GUCY1A2: variants seen among roughly 807,000 people sequenced by gnomAD.
GUCY1A2 encodes guanylate cyclase 1 soluble subunit alpha 2, also known as guanylate cyclase soluble subunit alpha-2.
GUCY1A2 carries 27 observed loss-of-function variants against 63.5 expected under a neutral mutation model. The ratio of observed to expected loss-of-function variants is 0.43; its 90% CI spans 0.31 to 0.59. The LOEUF is 0.59. Ranked by LOEUF, GUCY1A2 falls within the 20% of genes least tolerant of loss-of-function variation. The pLI, the probability that GUCY1A2 is intolerant of heterozygous loss-of-function variation, is 0.11. For missense variants in GUCY1A2, 768 were observed against 913.3 expected (o/e 0.84, Z 2.05); for synonymous variants, 364 against 343.5 (o/e 1.06, Z -0.66).
chr11:106,767,941 C>T (rs1054357455), intron 6 of GUCY1A2, among the ~76,000 whole-genome samples: 1 of 152,052 alleles, frequency 6.6e-6, no homozygotes, highest in Admixed American at 6.6e-5. Context: ...AATGACTACC[C>T]TATGAAATAA....
intron 3 of GUCY1A2, among the ~76,000 whole-genome samples, chr11:106,958,666 G>A (rs1304535935): frequency 6.6e-6 from 1 of 151,250 alleles, no homozygotes; most frequent in Non-Finnish European, 1.5e-5. Flanking sequence ...TGATTTGGAA[G>A]GATACTACGA....
intron 5 of GUCY1A2, among the ~76,000 whole-genome samples, chr11:106,804,679 T>A (rs1858656372): frequency 6.6e-6 from 1 of 152,230 alleles, no homozygotes; most frequent in Non-Finnish European, 1.5e-5. Context: ...TAAAGCTGTG[T>A]AGCCCTAAAA....
At chr11:106,964,054 TATACAC>T (rs1367823394) in intron 3 of GUCY1A2, among the ~76,000 whole-genome samples, 5 of 149,576 alleles carry the variant, frequency 3.3e-5, no homozygotes, top group Non-Finnish European at 6.0e-5. Context: ...CATACACACG[TATACAC>T]ACACACACAC....
At chr11:106,773,186 C>CT (rs11423947) in intron 6 of GUCY1A2, among the ~76,000 whole-genome samples, 48,693 of 149,590 alleles carry the variant, frequency 0.33, 8,966 homozygotes, top group African/African-American at 0.52. Context: ...TTAATCATTC[C>CT]TTTTATTTTT....
intron 5 of GUCY1A2, among the ~76,000 whole-genome samples, chr11:106,780,795 AAT>A (rs1864445346): frequency 6.6e-6 from 1 of 152,240 alleles, no homozygotes; most frequent in African/African-American, 2.4e-5. Context: ...AAGTGTATGT[AAT>A]ATATCTTTGT....
intron 6 of GUCY1A2, among the ~76,000 whole-genome samples, chr11:106,768,544 T>C (rs1056556159): frequency 3.9e-5 from 6 of 152,168 alleles, no homozygotes; most frequent in African/African-American, 1.4e-4. Flanking sequence ...GAAGCTCTGG[T>C]TAACTATTTT....
intron 4 of GUCY1A2, among the ~76,000 whole-genome samples, chr11:106,933,808 A>G (rs1034673610): frequency 6.6e-6 from 1 of 152,168 alleles, no homozygotes; most frequent in East Asian, 1.9e-4. Flanking sequence ...GCCATAAAAA[A>G]AGATGCAGCT....
At chr11:106,962,002 A>G (rs766061619) in intron 3 of GUCY1A2, among the ~76,000 whole-genome samples, 1 of 152,192 alleles carries the variant, frequency 6.6e-6, no homozygotes, top group Non-Finnish European at 1.5e-5. Context: ...AACTATCCAA[A>G]CAAAGACTTA....
intron 4 of GUCY1A2, among the ~76,000 whole-genome samples, chr11:106,867,672 A>C (rs1207085087): frequency 6.6e-6 from 1 of 152,084 alleles, no homozygotes; most frequent in Non-Finnish European, 1.5e-5. Context: ...TTAAGAACAA[A>C]ATTCAAGCTT....
chr11:106,696,264 A>C (rs546748571), intron 7 of GUCY1A2, among the ~76,000 whole-genome samples: 50 of 152,376 alleles, frequency 3.3e-4, no homozygotes, highest in Middle Eastern at 3.4e-3. Context: ...AAGGAATTTA[A>C]ACTTTAAAAC....
At chr11:106,795,424 C>G (rs1240628567) in intron 5 of GUCY1A2, among the ~76,000 whole-genome samples, 6 of 152,090 alleles carry the variant, frequency 3.9e-5, no homozygotes, top group Non-Finnish European at 8.8e-5. Context: ...AAAAAGCTAT[C>G]CAATATTAAA....
intron 4 of GUCY1A2, among the ~76,000 whole-genome samples, chr11:106,900,891 G>T (rs1860123177): frequency 6.6e-6 from 1 of 151,964 alleles, no homozygotes; most frequent in Non-Finnish European, 1.5e-5. Flanking sequence ...TTCTGCTGGT[G>T]TAGGTTTTGC....
intron 4 of GUCY1A2, among the ~76,000 whole-genome samples, chr11:106,843,916 A>G (rs1859235768): frequency 6.6e-6 from 1 of 151,840 alleles, no homozygotes; most frequent in Non-Finnish European, 1.5e-5. Flanking sequence ...CCACCATAGG[A>G]TCCATCATAG....
chr11:106,742,182 ATTTTC>A (rs1446335247), intron 6 of GUCY1A2, among the ~76,000 whole-genome samples: 1 of 152,112 alleles, frequency 6.6e-6, no homozygotes, highest in Admixed American at 6.5e-5. Flanking sequence ...AAATGGATGA[ATTTTC>A]TTTTTTTTTC....
chr11:106,732,509 A>G (rs1214052362), intron 6 of GUCY1A2, among the ~76,000 whole-genome samples: 1 of 152,134 alleles, frequency 6.6e-6, no homozygotes, highest in Non-Finnish European at 1.5e-5. Context: ...TCTGTAACCT[A>G]CTAGAAAATA....
chr11:106,972,023 A>C (rs1375741029), intron 3 of GUCY1A2, among the ~76,000 whole-genome samples: 1 of 152,156 alleles, frequency 6.6e-6, no homozygotes, highest in Non-Finnish European at 1.5e-5. Flanking sequence ...AGCAAACAGG[A>C]AACAAACAAA....
chr11:106,819,819 A>G (rs921032019), intron 4 of GUCY1A2, among the ~76,000 whole-genome samples: 2 of 152,196 alleles, frequency 1.3e-5, no homozygotes, highest in African/African-American at 2.4e-5. Flanking sequence ...AAGAAAAAAA[A>G]TACTGTCTTT....
intron 1 of GUCY1A2, among the ~76,000 whole-genome samples, chr11:107,009,251 T>G (rs748388487): frequency 3.9e-5 from 6 of 152,138 alleles, no homozygotes; most frequent in Admixed American, 6.5e-5. Flanking sequence ...TATCTGAACC[T>G]CCTATTGTTT....
intron 1 of GUCY1A2, among the ~76,000 whole-genome samples, chr11:107,001,449 T>C (rs1356260460): frequency 6.6e-6 from 1 of 152,132 alleles, no homozygotes; most frequent in Non-Finnish European, 1.5e-5. Context: ...ACTGGAACCA[T>C]TTTTTGCTCC....
Sources: gnomAD v4.1 joint callset for allele counts (sites outside exome capture counted in the v4.1 genomes callset) on GRCh38, gnomAD v4.1.1 for gene constraint, MANE v1.5 for transcripts, NCBI Gene and HGNC (gene_info 2026-07-23, HGNC 2026-07-21) for gene names.